The following IQGAP2 variants were observed in gnomAD, a reference collection of about 807,000 sequenced individuals.
IQGAP2 encodes IQ motif containing GTPase activating protein 2.
Under a neutral mutation model 201.3 loss-of-function variants are expected in IQGAP2, and 173 were observed. That is an observed-to-expected ratio of 0.86 (90% confidence interval 0.76 to 0.98). The LOEUF is 0.98. Among genes scored for constraint, IQGAP2 ranks in the 50% least tolerant of loss-of-function variants. The pLI is 0.00. For synonymous variants in IQGAP2, 675 were observed against 673.9 expected (o/e 1.00, Z -0.03); for missense variants, 1,687 against 1,864.8 (o/e 0.90, Z 1.76).
At chr5:76,563,795 G>C (rs1744548630) in intron 3 of IQGAP2, among the ~76,000 whole-genome samples, 1 of 151,914 alleles carries the variant, frequency 6.6e-6, no homozygotes, top group Non-Finnish European at 1.5e-5. Context: ...TTCTCTTACA[G>C]CTGTAGGGAA....
intron 1 of IQGAP2, among the ~76,000 whole-genome samples, chr5:76,448,762 T>C (rs1426378256): frequency 6.6e-6 from 1 of 152,216 alleles, no homozygotes; most frequent in African/African-American, 2.4e-5. Context: ...ACATGGACTA[T>C]GAATACTGGT....
intron 20 of IQGAP2, among the ~76,000 whole-genome samples, chr5:76,658,071 CT>C (rs1471048152): frequency 1.3e-5 from 2 of 152,118 alleles, no homozygotes; most frequent in African/African-American, 4.8e-5. Context: ...ATGTAAGTCA[CT>C]TATCTAGCTC....
At chr5:76,425,260 T>A (rs1013737968) in intron 1 of IQGAP2, among the ~76,000 whole-genome samples, 6 of 152,238 alleles carry the variant, frequency 3.9e-5, no homozygotes, top group Admixed American at 2.6e-4. Flanking sequence ...ATAACACTGG[T>A]GACCACTATT....
At chr5:76,595,963 C>G (rs1220742383) in intron 9 of IQGAP2, among the ~76,000 whole-genome samples, 2 of 152,124 alleles carry the variant, frequency 1.3e-5, no homozygotes, top group African/African-American at 4.8e-5. Flanking sequence ...CCACAAACAA[C>G]CACTAGCCTT....
At chr5:76,509,093 G>C (rs71576998) in intron 2 of IQGAP2, among the ~76,000 whole-genome samples, 83 of 143,624 alleles carry the variant, frequency 5.8e-4, no homozygotes, top group Middle Eastern at 3.6e-3. Context: ...GCGTGTGTGT[G>C]TATATATATA....
At chr5:76,428,566 G>A (rs976360403) in intron 1 of IQGAP2, among the ~76,000 whole-genome samples, 3 of 151,350 alleles carry the variant, frequency 2.0e-5, no homozygotes, top group Non-Finnish European at 4.4e-5. Flanking sequence ...AAGTAGCTGG[G>A]ATTACAGGTG....
intron 2 of IQGAP2, among the ~76,000 whole-genome samples, chr5:76,555,052 G>A (rs1435471837): frequency 6.6e-6 from 1 of 152,088 alleles, no homozygotes; most frequent in African/African-American, 2.4e-5. Flanking sequence ...GTCACAAAAG[G>A]CCACATATTG....
intron 2 of IQGAP2, among the ~76,000 whole-genome samples, chr5:76,473,005 A>G (rs1269280856): frequency 6.6e-6 from 1 of 152,226 alleles, no homozygotes; most frequent in African/African-American, 2.4e-5. Context: ...CATTATCCCC[A>G]TTTGATAGAT....
At chr5:76,541,018 C>T (rs989259580) in intron 2 of IQGAP2, among the ~76,000 whole-genome samples, 2 of 152,054 alleles carry the variant, frequency 1.3e-5, no homozygotes, top group Non-Finnish European at 2.9e-5. Flanking sequence ...TTTTTTTTAT[C>T]GTGATGAAAT....
At chr5:76,431,974 T>G (rs1404597793) in intron 1 of IQGAP2, among the ~76,000 whole-genome samples, 1 of 152,042 alleles carries the variant, frequency 6.6e-6, no homozygotes, top group Non-Finnish European at 1.5e-5. Context: ...GACATACTCA[T>G]GTTGGGTTGA....
At chr5:76,577,942 C>T (rs1580502013) in intron 5 of IQGAP2, among the ~76,000 whole-genome samples, 1 of 152,262 alleles carries the variant, frequency 6.6e-6, no homozygotes, top group East Asian at 1.9e-4. Flanking sequence ...AAGGAAGTTT[C>T]CCTAGGAAGT....
chr5:76,624,402 G>C (rs1489333700), intron 13 of IQGAP2: 3 of 152,154 alleles, frequency 2.0e-5, no homozygotes, highest in African/African-American at 7.2e-5. Context: ...AGACTTAAAG[G>C]CTAGGGATAT....
At chr5:76,638,521 C>G (rs1751323755) in intron 16 of IQGAP2, among the ~76,000 whole-genome samples, 1 of 152,128 alleles carries the variant, frequency 6.6e-6, no homozygotes, top group South Asian at 2.1e-4. Context: ...CTAATTCCCT[C>G]CCAAATATTC....
At chr5:76,431,687 G>A (rs1752376001) in intron 1 of IQGAP2, among the ~76,000 whole-genome samples, 1 of 152,100 alleles carries the variant, frequency 6.6e-6, no homozygotes, top group Non-Finnish European at 1.5e-5. Context: ...GCCAAGCGTG[G>A]TAGCGCTTGC....
chr5:76,608,004 G>A (rs974513580), intron 12 of IQGAP2: 6 of 152,232 alleles, frequency 3.9e-5, no homozygotes, highest in South Asian at 2.1e-4. Context: ...CTGAAAGATT[G>A]TAGGGTTGAC....
rs1381216869 is a variant in IQGAP2, at chr5:76,652,880, C to G, written c.2178+47C>G. 4.1e-6 allele frequency: 5 copies of G among 1,209,936 alleles called. No individual in the cohort carries two copies. The Admixed American group carries it at 6.9e-5, about 17-fold the overall frequency. The allele number at this position is 1,209,936 out of a possible 1,614,324, so 75.0% of individuals were successfully genotyped here. On this transcript the variant is annotated intron_variant, in intron 18 of 35. Coordinates refer to ENST00000274364, the MANE Select transcript of IQGAP2 (RefSeq NM_006633.5). Reference sequence around the variant, plus strand: ...ACCAAGTGCTTGGCTTAAACGTTTCCCCTCATTTCATGTTTAATCTGAAAG... The same window carrying G: ...ACCAAGTGCTTGGCTTAAACGTTTCGCCTCATTTCATGTTTAATCTGAAAG...
rs1221602628 is a variant in IQGAP2 at position 76,652,752 on chromosome 5, T to C, written c.2097T>C (p.Ala699=). 2 of 1,606,238 alleles carry C rather than the reference T, an allele frequency of 1.2e-6. No homozygotes were observed. The highest frequency in any genetic ancestry group is 1.7e-6 in the Non-Finnish European group (2 of 1,172,928). Residue 699 remains alanine (A), a splice_region_variant and synonymous_variant, in exon 18 of 36, where the codon GCT becomes GCC. Transcript: ENST00000274364. ...EQEENVVKIQ[A]FWKGYKQRKE... ...CTATAACCCACTCTTTTCCTTAGGC[T>C]TTTTGGAAAGGATATAAACAACGGA...
In IQGAP2 at chr5:76,693,392, C is replaced by A; in HGVS notation, c.3943C>A (p.Pro1315Thr). The A allele has an allele frequency of 6.2e-7, 1 of 1,613,716 alleles. No homozygotes were observed. The highest frequency in any genetic ancestry group is 1.1e-5 in the South Asian group (1 of 91,044). Residue 1315 changes from proline to threonine, a missense_variant, in exon 31 of 36, where the codon CCA becomes ACA. Physicochemically the swap from Pro to Thr is conservative, Grantham distance 38. Coordinates refer to ENST00000274364, the MANE Select transcript of IQGAP2 (RefSeq NM_006633.5). ...KLIIDVIRNQ[P>T]GNTLTEILET... is the part of the protein sequence containing the mutation. ...GATAATTGATGTGATCCGGAACCAG[C>A]CAGGGAACACATTGACAGAAATCTT...
intron 2 of IQGAP2, among the ~76,000 whole-genome samples, chr5:76,488,552 T>C (rs1481986394): frequency 6.6e-6 from 1 of 152,194 alleles, no homozygotes; most frequent in East Asian, 1.9e-4. Context: ...TCTTCTGATC[T>C]AAAAACATAT....
Sources: allele counts gnomAD v4.1 joint callset (sites outside exome capture counted in the v4.1 genomes callset), GRCh38; gene constraint gnomAD v4.1.1; transcripts MANE v1.5; gene names NCBI Gene and HGNC (gene_info 2026-07-23, HGNC 2026-07-21).